SLC25A48: variants seen among roughly 807,000 people sequenced by gnomAD.
SLC25A48 encodes CTC-321K16.1.
A neutral mutation model predicts 32.2 loss-of-function variants in SLC25A48; 29 were observed. The observed-to-expected ratio is 0.90, with a 90% CI of 0.67 to 1.23. The LOEUF (loss-of-function observed/expected upper bound fraction) is 1.23. Ranked by LOEUF, SLC25A48 falls within the 50% of genes most tolerant of loss-of-function variation. The pLI is 0.00. For synonymous variants in SLC25A48, 164 were observed against 172.3 expected, an observed-to-expected ratio of 0.95 and a Z score of 0.38; for missense variants, 399 against 422.7, an observed-to-expected ratio of 0.94 and a Z score of 0.49.
chr5:135,699,356 C>G (rs1239404049), intron 3 of SLC25A48, among the ~76,000 whole-genome samples: 1 of 151,394 alleles, frequency 6.6e-6, no homozygotes, highest in Non-Finnish European at 1.5e-5. Context: ...GAACAAACTA[C>G]TAACACCTGC....
chr5:135,712,364 C>A (rs747081393), intron 3 of SLC25A48, among the ~76,000 whole-genome samples: 5 of 152,198 alleles, frequency 3.3e-5, no homozygotes, highest in African/African-American at 4.8e-5. Flanking sequence ...TTTTCTGTGT[C>A]TTTCAAGGTC....
chr5:135,665,335 G>C (rs1173830118), intron 3 of SLC25A48, among the ~76,000 whole-genome samples: 1 of 152,044 alleles, frequency 6.6e-6, no homozygotes, highest in Non-Finnish European at 1.5e-5. Context: ...TCCTTTGTTG[G>C]ATGCGTAGTT....
chr5:135,581,521 T>G (rs1265681212), intron 1 of SLC25A48, among the ~76,000 whole-genome samples: 1 of 152,264 alleles, frequency 6.6e-6, no homozygotes, highest in African/African-American at 2.4e-5. Context: ...TATTTTTTAT[T>G]AACGATTTTA....
intron 2 of SLC25A48, among the ~76,000 whole-genome samples, chr5:135,843,172 G>A (rs748125819): frequency 1.3e-5 from 2 of 152,332 alleles, no homozygotes; most frequent in Non-Finnish European, 2.9e-5. Flanking sequence ...AGTAGTAAAG[G>A]GGGGCGTTTA....
rs1480932494 is a variant in SLC25A48 at position 135,880,036 on chromosome 5, G to T, written c.882G>T (p.Gly294=). ...CCATGAGTGCGGCCATGTTCCTTGG[G>T]TACGAGCTGTCGCTGCAGGCTATCC... ...GFPMSAAMFL[G]YELSLQAIRG... The change falls in exon 7 of 8, where the codon GGG becomes GGT. Residue 294 remains glycine (G), a synonymous_variant. Transcript: ENST00000681962. 1.3e-6 allele frequency: 2 copies of T among 1,536,154 alleles called. No individual in the cohort carries two copies. Among genetic ancestry groups the T allele is most frequent in the Non-Finnish European group, 1.7e-6 (2 of 1,146,942 alleles).
intron 1 of SLC25A48, chr5:135,835,191 G>A (rs1252811797): frequency 1.6e-6 from 1 of 613,988 alleles, no homozygotes; most frequent in Admixed American, 2.1e-5. Context: ...AGCCAATGGA[G>A]GCTCCTGGCG....
chr5:135,602,300 C>T (rs1440873955), intron 1 of SLC25A48, among the ~76,000 whole-genome samples: 1 of 152,240 alleles, frequency 6.6e-6, no homozygotes, highest in Admixed American at 6.5e-5. Flanking sequence ...TTTACAACCC[C>T]CTGCCCCAAG....
At chr5:135,580,015 T>C (rs1751197527) in intron 1 of SLC25A48, among the ~76,000 whole-genome samples, 1 of 152,220 alleles carries the variant, frequency 6.6e-6, no homozygotes, top group Non-Finnish European at 1.5e-5. Context: ...TCATACATGT[T>C]GTCAGTACCC....
chr5:135,648,113 C>G (rs963736597), intron 3 of SLC25A48, among the ~76,000 whole-genome samples: 1 of 152,116 alleles, frequency 6.6e-6, no homozygotes, highest in East Asian at 1.9e-4. Flanking sequence ...TAGCCTCAAC[C>G]CCCAAATTAG....
chr5:135,581,129 G>A (rs1221345195), intron 1 of SLC25A48, among the ~76,000 whole-genome samples: 1 of 152,226 alleles, frequency 6.6e-6, no homozygotes, highest in East Asian at 1.9e-4. Flanking sequence ...ATGAGATAGT[G>A]CATGTAATGC....
At chr5:135,753,782 A>G (rs1755829166) in intron 3 of SLC25A48, among the ~76,000 whole-genome samples, 1 of 151,856 alleles carries the variant, frequency 6.6e-6, no homozygotes, top group African/African-American at 2.4e-5. Context: ...ACCCTGTAAT[A>G]TTAGCAGTGT....
intron 3 of SLC25A48, among the ~76,000 whole-genome samples, chr5:135,641,105 GA>G (rs1257666387): frequency 1.3e-5 from 2 of 152,116 alleles, no homozygotes; most frequent in South Asian, 4.1e-4. Flanking sequence ...AGAATCTACA[GA>G]AAAAAATACT....
At chr5:135,817,089 G>A (rs985440921) in intron 4 of SLC25A48, among the ~76,000 whole-genome samples, 2 of 152,220 alleles carry the variant, frequency 1.3e-5, no homozygotes, top group Non-Finnish European at 2.9e-5. Flanking sequence ...AAGGAATATA[G>A]CAAATTTATA....
At chr5:135,749,726 C>T (rs1424910717) in intron 3 of SLC25A48, among the ~76,000 whole-genome samples, 8 of 151,946 alleles carry the variant, frequency 5.3e-5, no homozygotes, top group Admixed American at 3.9e-4. Flanking sequence ...TAAGTAGCCG[C>T]GATTAGAGGC....
In SLC25A48 at chr5:135,773,023, C is replaced by T. The variant is rs548799094; in HGVS notation, c.-520-39500C>T. 1.9e-4 allele frequency among the ~76,000 whole-genome samples: 28 copies of T among 150,628 alleles called. No individual in the cohort carries two copies. The South Asian group carries it at 4.4e-3, about 24-fold the overall frequency. ...AAGAGGATGGTATTACTCCCAATAT[C>T]GCAGGGGGTGTACACTTCCCGGTAA... On this transcript the variant is annotated intron_variant, in intron 3 of 10. Transcript: ENST00000646290.
intron 3 of SLC25A48, among the ~76,000 whole-genome samples, chr5:135,730,108 A>G (rs1159241763): frequency 6.6e-6 from 1 of 152,214 alleles, no homozygotes. Flanking sequence ...AAAAATCACC[A>G]TGATTTTGGG....
At chr5:135,753,607 C>T (rs901331716) in intron 3 of SLC25A48, among the ~76,000 whole-genome samples, 1 of 151,502 alleles carries the variant, frequency 6.6e-6, no homozygotes, top group East Asian at 2.0e-4. Flanking sequence ...CCTGATATAA[C>T]AGGGTGTACA....
chr5:135,628,371 TATCTTGAAGGTC>T (rs1752485889), intron 1 of SLC25A48, among the ~76,000 whole-genome samples: 1 of 152,160 alleles, frequency 6.6e-6, no homozygotes, highest in Non-Finnish European at 1.5e-5. Flanking sequence ...AAATGCAGAA[TATCTTGAAGGTC>T]CCTTTCTAAG....
At chr5:135,718,587 T>C (rs1178981314) in intron 3 of SLC25A48, among the ~76,000 whole-genome samples, 5 of 152,182 alleles carry the variant, frequency 3.3e-5, no homozygotes, top group African/African-American at 1.2e-4. Flanking sequence ...TATAAACGTG[T>C]TTTTTATTAT....
Sources: allele counts gnomAD v4.1 joint callset (sites outside exome capture counted in the v4.1 genomes callset), GRCh38; gene constraint gnomAD v4.1.1; transcripts MANE v1.5; gene names NCBI Gene and HGNC (gene_info 2026-07-23, HGNC 2026-07-21).